Variants in SAMMSON observed in about 807,000 individuals in gnomAD.
SAMMSON encodes the protein long intergenic non-protein coding RNA 1212.
chr3:70,068,542 A>C (rs548123968), intron 3 of SAMMSON: 2 of 152,134 alleles, frequency 1.3e-5, no homozygotes, highest in Admixed American at 1.3e-4. Flanking sequence ...TTAACTACCA[A>C]AATTGTACAT....
chr3:70,343,389 T>C lies in SAMMSON; in HGVS notation n.740-10786T>C, dbSNP rs949202489. On this transcript the variant is annotated intron_variant and non_coding_transcript_variant, in intron 7 of 9. Transcript: ENST00000642114. ...AATTATGCCTCCTTTGGCTCCTCTTTACTGTGAGTGTTTTCAAATTTTTCT... is the reference window on the plus strand; with the variant it reads ...AATTATGCCTCCTTTGGCTCCTCTTCACTGTGAGTGTTTTCAAATTTTTCT... 5.9e-5 allele frequency among the ~76,000 whole-genome samples: 9 copies of C among 152,326 alleles called. No individual in the cohort carries two copies. In the East Asian group the frequency reaches 1.5e-3, roughly 26 times the overall value.
At chr3:70,169,645 CTT>C (rs11384588) in intron 4 of SAMMSON, among the ~76,000 whole-genome samples, 1 of 142,782 alleles carries the variant, frequency 7.0e-6, no homozygotes, top group African/African-American at 2.6e-5. Flanking sequence ...TTTCTTTTTT[CTT>C]TTTTTTTTTT....
At chr3:70,352,587 G>C (rs1014098535) in intron 7 of SAMMSON, among the ~76,000 whole-genome samples, 5 of 152,056 alleles carry the variant, frequency 3.3e-5, no homozygotes, top group Admixed American at 2.0e-4. Context: ...AGCATGCTAA[G>C]CAACAGTATG....
rs529064111 is a variant in SAMMSON at position 70,286,765 on chromosome 3, G to C, written n.675-4414G>C. Among the ~76,000 whole-genome samples, 347 of 152,086 alleles carry C rather than the reference G, an allele frequency of 2.3e-3. 1 individual carries two copies. Among genetic ancestry groups the C allele is most frequent in the Non-Finnish European group, 4.5e-3 (309 of 67,986 alleles). The stretch of plus-strand genomic sequence containing the variant: ...AGTGGTTTGTAGTTCTCCTTGAAGA[G>C]GTCCTTCACATCCCTTATAAGTTGG... On this transcript the variant is annotated intron_variant and non_coding_transcript_variant, in intron 6 of 9. Transcript: ENST00000642114.
intron 4 of SAMMSON, among the ~76,000 whole-genome samples, chr3:70,074,499 A>G (rs531011643): frequency 1.3e-5 from 2 of 152,258 alleles, no homozygotes; most frequent in Admixed American, 6.6e-5. Flanking sequence ...GCAGGTGTGA[A>G]TATGTATTTA....
intron 4 of SAMMSON, among the ~76,000 whole-genome samples, chr3:70,171,396 T>A (rs1349759894): frequency 2.6e-5 from 4 of 151,848 alleles, no homozygotes; most frequent in Admixed American, 2.6e-4. Context: ...ATATTTCTCC[T>A]GGAAGATATT....
intron 4 of SAMMSON, chr3:70,125,240 A>G: frequency 8.3e-6 from 11 of 1,322,590 alleles, no homozygotes; most frequent in Non-Finnish European, 1.2e-5. Context: ...ACCTTCTTTC[A>G]TCAAACGTAT....
At chr3:70,337,043 TTAA>T (rs1406593632) in intron 7 of SAMMSON, among the ~76,000 whole-genome samples, 16 of 122,966 alleles carry the variant, frequency 1.3e-4, no homozygotes, top group African/African-American at 3.5e-4. Context: ...AATATCTAAC[TTAA>T]TATTATTATT....
chr3:70,401,604 TA>T (rs1162968312), intron 2 of SAMMSON, among the ~76,000 whole-genome samples: 1 of 152,206 alleles, frequency 6.6e-6, no homozygotes, highest in Non-Finnish European at 1.5e-5. Context: ...AATATTGTTT[TA>T]TTTTTTTCTG....
chr3:70,349,977 T>A (rs1702781463), intron 7 of SAMMSON, among the ~76,000 whole-genome samples: 1 of 152,212 alleles, frequency 6.6e-6, no homozygotes, highest in Admixed American at 6.5e-5. Context: ...ACAGCACTCT[T>A]CTATTAGAAA....
At chr3:70,065,263 G>A (rs993692744) in intron 3 of SAMMSON, 1 of 152,086 alleles carries the variant, frequency 6.6e-6, no homozygotes, top group Admixed American at 6.5e-5. Flanking sequence ...GCCGTATTAT[G>A]CTAAATCAAG....
chr3:70,417,674 C>G (rs1465400718), intron 2 of SAMMSON, among the ~76,000 whole-genome samples: 1 of 151,954 alleles, frequency 6.6e-6, no homozygotes, highest in South Asian at 2.1e-4. Flanking sequence ...TTTAAAGAAG[C>G]TTATTTTTTT....
At chr3:70,377,538 G>A (rs1417916594) in intron 9 of SAMMSON, among the ~76,000 whole-genome samples, 1 of 151,990 alleles carries the variant, frequency 6.6e-6, no homozygotes, top group African/African-American at 2.4e-5. Context: ...AATAAAACCT[G>A]ATAAGAGAAT....
intron 2 of SAMMSON, among the ~76,000 whole-genome samples, chr3:70,409,557 C>G (rs1701202247): frequency 6.6e-6 from 1 of 151,972 alleles, no homozygotes; most frequent in African/African-American, 2.4e-5. Flanking sequence ...AACACTGGCT[C>G]CAAGTAATTA....
At chr3:70,117,952 C>G (rs989485815) in intron 4 of SAMMSON, among the ~76,000 whole-genome samples, 1 of 152,110 alleles carries the variant, frequency 6.6e-6, no homozygotes, top group Admixed American at 6.6e-5. Flanking sequence ...GAGTCTCGCT[C>G]TGTTGCCCAG....
intron 4 of SAMMSON, among the ~76,000 whole-genome samples, chr3:70,182,611 A>G (rs1378139424): frequency 6.6e-6 from 1 of 152,140 alleles, no homozygotes; most frequent in East Asian, 1.9e-4. Context: ...CCTCAATCTC[A>G]ATGATTTCAC....
At chr3:70,407,824 A>G (rs2193552) in intron 2 of SAMMSON, among the ~76,000 whole-genome samples, 37,420 of 152,242 alleles carry the variant, frequency 0.25, 5,121 homozygotes, top group Non-Finnish European at 0.32. Context: ...AGCAGGGGGC[A>G]GAGCCCCAGT....
rs565827616 is a variant in SAMMSON at position 70,353,554 on chromosome 3, A to G, written n.740-621A>G. ...TACTACATGTCAGAATGGCTAAAATAAAAAAAATAGTGACAACACTAAATG... is the reference window on the plus strand; with the variant it reads ...TACTACATGTCAGAATGGCTAAAATGAAAAAAATAGTGACAACACTAAATG... On this transcript the variant is annotated intron_variant and non_coding_transcript_variant, in intron 7 of 9. Transcript: ENST00000642114. 4.4e-4 allele frequency among the ~76,000 whole-genome samples: 66 copies of G among 151,572 alleles called. No individual in the cohort carries two copies. In the South Asian group the frequency reaches 0.013, roughly 30 times the overall value.
At chr3:70,177,604 G>A (rs1701017619) in intron 4 of SAMMSON, among the ~76,000 whole-genome samples, 1 of 152,124 alleles carries the variant, frequency 6.6e-6, no homozygotes, top group South Asian at 2.1e-4. Context: ...AACCTGGTAT[G>A]TCACCTCATA....
Sources: gnomAD v4.1 joint callset for allele counts (sites outside exome capture counted in the v4.1 genomes callset) on GRCh38, gnomAD v4.1.1 for gene constraint, MANE v1.5 for transcripts, NCBI Gene and HGNC (gene_info 2026-07-23, HGNC 2026-07-21) for gene names.